Variants in NECTIN2 observed in about 807,000 individuals in gnomAD.
The protein encoded by NECTIN2 is nectin-2.
In NECTIN2, 23 loss-of-function variants were observed where a neutral mutation model predicts 56.9. The ratio of observed to expected loss-of-function variants is 0.40; its 90% CI spans 0.29 to 0.57. The LOEUF (loss-of-function observed/expected upper bound fraction) is 0.57. Among genes scored for constraint, NECTIN2 ranks in the 20% least tolerant of loss-of-function variants. NECTIN2 has a pLI of 0.38. For synonymous variants in NECTIN2, 302 were observed against 313.8 expected, an observed-to-expected ratio of 0.96 and a Z score of 0.40; for missense variants, 587 against 718.3, an observed-to-expected ratio of 0.82 and a Z score of 2.09.
At chr19:44,856,186 A>C (rs987448228) in intron 1 of NECTIN2, among the ~76,000 whole-genome samples, 1 of 152,194 alleles carries the variant, frequency 6.6e-6, no homozygotes, top group African/African-American at 2.4e-5. Context: ...CTGTAATCCC[A>C]GCTACTCGGG....
chr19:44,871,814 C>T lies in NECTIN2; in HGVS notation c.479-39C>T, dbSNP rs201806394. On this transcript the variant is annotated intron_variant, in intron 2 of 8. Transcript: ENST00000252483. ...TGCTGAGTGTTTGTTGAATGACTGC[C>T]GGTGAGGAGTGACGCACCCCCTCTC... The T allele has an allele frequency of 5.1e-5, 81 of 1,589,096 alleles. No homozygotes were observed. The East Asian group carries it at 1.6e-3, about 32-fold the overall frequency.
At chr19:44,879,476 CGGGGGGTGCTGGGGAAGT>C (rs1969284252) in intron 5 of NECTIN2, among the ~76,000 whole-genome samples, 1 of 151,884 alleles carries the variant, frequency 6.6e-6, no homozygotes, top group Non-Finnish European at 1.5e-5. Flanking sequence ...ATGGGGCAGG[CGGGGGGTGCTGGGGAAGT>C]CCCACCTCTG....
chr19:44,884,117 AAAG>A (rs1436151775), intron 6 of NECTIN2, among the ~76,000 whole-genome samples: 6 of 151,994 alleles, frequency 3.9e-5, no homozygotes, highest in Non-Finnish European at 8.8e-5. Context: ...AAAAAAAAAA[AAAG>A]AAAAGAAAAA....
intron 2 of NECTIN2, among the ~76,000 whole-genome samples, chr19:44,869,814 T>C (rs1599919844): frequency 1.3e-5 from 2 of 151,914 alleles, no homozygotes; most frequent in South Asian, 4.1e-4. Flanking sequence ...CTAGGAATGG[T>C]GGCGCACACC....
chr19:44,882,324 C>T lies in NECTIN2; in HGVS notation c.1156C>T (p.Arg386Trp), dbSNP rs368892165. The change falls in exon 6 of 9, where the codon CGG (arginine) becomes TGG (tryptophan). Residue 386 changes from arginine (R) to tryptophan (W), a missense_variant. Coordinates refer to ENST00000252483, the MANE Select transcript of NECTIN2 (RefSeq NM_001042724.2). ...ATGILICRQQ[R>W]KEQTLQGAEE... Reference sequence around the variant, plus strand: ...GGGCATCCTTATCTGCCGGCAGCAGCGGAAGGAGCAGACGCTGCAGGGGGC... The same window carrying T: ...GGGCATCCTTATCTGCCGGCAGCAGTGGAAGGAGCAGACGCTGCAGGGGGC... 38 of 1,539,014 alleles carry T rather than the reference C, an allele frequency of 2.5e-5. No individual in the cohort carries two copies. The highest frequency in any genetic ancestry group is 7.5e-5 in the East Asian group (3 of 40,044).
chr19:44,879,526 C>A (rs1969284891), intron 5 of NECTIN2, among the ~76,000 whole-genome samples: 1 of 152,036 alleles, frequency 6.6e-6, no homozygotes, highest in African/African-American at 2.4e-5. Flanking sequence ...TGTGGCTCCC[C>A]TCCTTCTCCA....
Position 44,874,629 on chromosome 19 carries a change from T to G in NECTIN2, c.1042+151T>G. The stretch of plus-strand genomic sequence containing the variant: ...GGCTGAGGGGAGATGAGGGTTGGCC[T>G]TCCCCTCGTGGCCTCAGACTGGGGT... On this transcript the variant is annotated intron_variant, in intron 5 of 8. Coordinates refer to ENST00000252483, the MANE Select transcript of NECTIN2 (RefSeq NM_001042724.2). The surrounding 1 kb of genome is among the most constrained non-coding windows in gnomAD (Gnocchi z 6.3). 5.3e-6 allele frequency: 5 copies of G among 950,888 alleles called. No homozygotes were observed. The highest frequency in any genetic ancestry group is 7.8e-6 in the Non-Finnish European group (5 of 641,242). The allele number at this position is 950,888 out of a possible 1,614,324, so 58.9% of individuals were successfully genotyped here. A position where few individuals can be genotyped will look rare whatever the true frequency, so the allele number is the denominator to read the frequency against.
At chr19:44,853,778 C>G (rs775261248) in intron 1 of NECTIN2, among the ~76,000 whole-genome samples, 3 of 152,204 alleles carry the variant, frequency 2.0e-5, no homozygotes, top group Non-Finnish European at 4.4e-5. Flanking sequence ...TGAGCCATTG[C>G]GCCCAGGGAT....
chr19:44,878,181 T>C, intron 5 of NECTIN2: 1 of 629,470 alleles, frequency 1.6e-6, no homozygotes, highest in Non-Finnish European at 2.9e-6. Flanking sequence ...ATCTTGTGTC[T>C]CCCTTTCTCT....
At chr19:44,860,224 G>A (rs1231145098) in intron 1 of NECTIN2, among the ~76,000 whole-genome samples, 2 of 152,120 alleles carry the variant, frequency 1.3e-5, no homozygotes, top group African/African-American at 4.8e-5. Flanking sequence ...GGTTACTTAG[G>A]GAATTATAAA....
Position 44,879,739 on chromosome 19 carries a change from C to G in NECTIN2, c.1043-2472C>G, listed in dbSNP as rs73050302. 7.4e-3 allele frequency among the ~76,000 whole-genome samples: 1,129 copies of G among 152,260 alleles called. 9 individuals are homozygous for G. The highest frequency in any genetic ancestry group is 0.012 in the Non-Finnish European group (812 of 68,012). On this transcript the variant is annotated intron_variant, in intron 5 of 8. Coordinates refer to ENST00000252483, the MANE Select transcript of NECTIN2 (RefSeq NM_001042724.2). ...AAGCCTCCATGCCTCCTCTGTAACA[C>G]GGGGCAGGTGTTTCCATCGGCCTCA...
At chr19:44,851,324 C>T (rs973359937) in intron 1 of NECTIN2, among the ~76,000 whole-genome samples, 1 of 151,298 alleles carries the variant, frequency 6.6e-6, no homozygotes, top group Admixed American at 6.6e-5. Context: ...TCCCCTGCTC[C>T]CTCAGACCCA....
intron 1 of NECTIN2, among the ~76,000 whole-genome samples, chr19:44,858,271 TG>T (rs1968990938): frequency 6.6e-6 from 1 of 152,172 alleles, no homozygotes; most frequent in African/African-American, 2.4e-5. Context: ...CCTGAGTTTG[TG>T]GGACTTGTGT....
Position 44,885,963 on chromosome 19 carries a change from C to T in NECTIN2, c.1223C>T (p.Pro408Leu), listed in dbSNP as rs747210117. The T allele has an allele frequency of 2.5e-6, 4 of 1,601,552 alleles. No homozygotes were observed. In the Admixed American group the frequency reaches 6.7e-5, roughly 27 times the overall value. ...CTGGAGGGACCTCCCTCCTACAAGC[C>T]ACCGACCCCAAAAGCGAAGCTGGAG... is the stretch of plus-strand genomic sequence containing the variant. ...EDLEGPPSYK[P>L]PTPKAKLEAQ... The change falls in exon 7 of 9, where the codon CCA (proline) becomes CTA (leucine). Residue 408 changes from proline (P) to leucine (L), a missense_variant. Coordinates refer to ENST00000252483, the MANE Select transcript of NECTIN2 (RefSeq NM_001042724.2).
Position 44,879,857 on chromosome 19 carries a change from C to T in NECTIN2, c.1043-2354C>T, listed in dbSNP as rs529030773. ...AGACCCCACCAAGCCCTGTGCCAGG[C>T]AGTGCTGGGGCTGCAGCTGTGGCCT... On this transcript the variant is annotated intron_variant, in intron 5 of 8. Transcript: ENST00000252483. Among the ~76,000 whole-genome samples the T allele has an allele frequency of 2.0e-5, 3 of 152,284 alleles. No homozygotes were observed. In the South Asian group the frequency reaches 6.2e-4, roughly 32 times the overall value.
chr19:44,876,632 C>T (rs1969241371), intron 5 of NECTIN2, among the ~76,000 whole-genome samples: 1 of 152,196 alleles, frequency 6.6e-6, no homozygotes, highest in Admixed American at 6.5e-5. Flanking sequence ...CACGAACCCA[C>T]ATCCAGGCAC....
At chr19:44,855,196 C>T (rs1180861088) in intron 1 of NECTIN2, among the ~76,000 whole-genome samples, 3 of 150,644 alleles carry the variant, frequency 2.0e-5, no homozygotes, top group Non-Finnish European at 2.9e-5. Flanking sequence ...GAGGCCGAGG[C>T]GGGCAGATCA....
chr19:44,874,065 G>A lies in NECTIN2; in HGVS notation c.893+32G>A, dbSNP rs1471964232. On this transcript the variant is annotated intron_variant, in intron 4 of 8. Coordinates refer to ENST00000252483, the MANE Select transcript of NECTIN2 (RefSeq NM_001042724.2). This position sits in a 1 kb window ranked among gnomAD's most constrained non-coding sequence, Gnocchi z 6.3. ...CACGTGGTCTCAGAACCCTGGGTCT[G>A]AGGGAGGCGGGGCTGGGGGCCTGGA... 1 of 1,558,734 alleles carries A rather than the reference G, an allele frequency of 6.4e-7. No individual in the cohort carries two copies. The highest frequency in any genetic ancestry group is 8.8e-7 in the Non-Finnish European group (1 of 1,133,346).
At chr19:44,882,740 G>C (rs1318053009) in intron 6 of NECTIN2, among the ~76,000 whole-genome samples, 1 of 138,234 alleles carries the variant, frequency 7.2e-6, no homozygotes, top group African/African-American at 2.7e-5. Context: ...GGCTCTGACC[G>C]CTCCGCTCTG....
Sources: allele counts gnomAD v4.1 joint callset (sites outside exome capture counted in the v4.1 genomes callset), GRCh38; gene constraint gnomAD v4.1.1; non-coding constraint Gnocchi (gnomAD v3.1); transcripts MANE v1.5; gene names NCBI Gene and HGNC (gene_info 2026-07-23, HGNC 2026-07-21).